PLXNA4: variants seen among roughly 807,000 people sequenced by gnomAD.
PLXNA4 encodes the protein plexin-A4.
PLXNA4 carries 44 observed loss-of-function variants against 191.8 expected under a neutral mutation model. The ratio of observed to expected loss-of-function variants is 0.23; its 90% confidence interval spans 0.18 to 0.29. PLXNA4 has a LOEUF of 0.29. Among genes scored for constraint, PLXNA4 ranks in the 10% least tolerant of loss-of-function variants. The probability of loss-of-function intolerance (pLI) is 1.00; values close to 1 mark genes in which losing one functional copy is unlikely to be tolerated. For synonymous variants in PLXNA4, 1,082 were observed against 1,009.5 expected (o/e 1.07, Z -1.36); for missense variants, 1,800 against 2,488.8 (o/e 0.72, Z 5.89).
At chr7:132,591,537 T>C (rs1399244841) in intron 2 of PLXNA4, among the ~76,000 whole-genome samples, 2 of 152,218 alleles carry the variant, frequency 1.3e-5, no homozygotes. Flanking sequence ...GCATATAATA[T>C]ACATAATGCA....
chr7:132,385,049 A>G, intron 3 of PLXNA4: 2 of 1,471,238 alleles, frequency 1.4e-6, no homozygotes, highest in Non-Finnish European at 1.8e-6. Context: ...TTTTTTCCCT[A>G]AGGACTTGGG....
chr7:132,220,794 G>A (rs1798117679), intron 9 of PLXNA4, among the ~76,000 whole-genome samples: 1 of 149,000 alleles, frequency 6.7e-6, no homozygotes, highest in South Asian at 2.2e-4. Context: ...GACACATGGT[G>A]GGCTCTTATT....
At chr7:132,613,080 C>T (rs1803084618) in intron 2 of PLXNA4, among the ~76,000 whole-genome samples, 1 of 152,188 alleles carries the variant, frequency 6.6e-6, no homozygotes, top group African/African-American at 2.4e-5. Flanking sequence ...AAAGAGTAAA[C>T]TCGGAAGACA....
chr7:132,541,767 G>T (rs1800098068), intron 1 of PLXNA4, among the ~76,000 whole-genome samples: 1 of 152,238 alleles, frequency 6.6e-6, no homozygotes, highest in Non-Finnish European at 1.5e-5. Context: ...GAGCTGCTAA[G>T]GCAGGCAGAG....
chr7:132,261,056 T>A (rs965728756), intron 4 of PLXNA4, among the ~76,000 whole-genome samples: 59 of 152,206 alleles, frequency 3.9e-4, no homozygotes, highest in African/African-American at 1.4e-3. Context: ...TCAAAAATAG[T>A]AAGTTAGAAA....
chr7:132,303,292 C>G (rs1466390002), intron 3 of PLXNA4, among the ~76,000 whole-genome samples: 1 of 147,310 alleles, frequency 6.8e-6, no homozygotes, highest in African/African-American at 2.5e-5. Flanking sequence ...AGAAATTGGC[C>G]GGGTGCTGTT....
intron 3 of PLXNA4, among the ~76,000 whole-genome samples, chr7:132,432,707 TTTGGA>T (rs1482494009): frequency 3.9e-5 from 6 of 152,202 alleles, no homozygotes; most frequent in African/African-American, 1.4e-4. Context: ...GCAGTTTGCA[TTTGGA>T]TAGTGCGTTC....
chr7:132,516,890 G>T (rs1798962659), intron 1 of PLXNA4, among the ~76,000 whole-genome samples: 1 of 152,204 alleles, frequency 6.6e-6, no homozygotes, highest in Non-Finnish European at 1.5e-5. Context: ...GGAGGCAGAG[G>T]TTGCAGCGGT....
intron 1 of PLXNA4, among the ~76,000 whole-genome samples, chr7:132,510,259 T>A (rs553663088): frequency 6.6e-6 from 1 of 152,148 alleles, no homozygotes; most frequent in African/African-American, 2.4e-5. Context: ...CAATGGAAAA[T>A]TCCCCAGCAG....
chr7:132,435,402 G>A (rs900903658), intron 3 of PLXNA4, among the ~76,000 whole-genome samples: 14 of 151,924 alleles, frequency 9.2e-5, no homozygotes, highest in African/African-American at 1.7e-4. Flanking sequence ...TGTTCTAATC[G>A]GCCCCGTGGA....
chr7:132,164,445 T>C (rs896167), intron 23 of PLXNA4, among the ~76,000 whole-genome samples, 157 bp from the exon 24 acceptor site: 1 of 151,950 alleles, frequency 6.6e-6, no homozygotes, highest in African/African-American at 2.4e-5. Context: ...CTTCTCTCCA[T>C]CTCCTCATCC....
At chr7:132,337,391 G>A (rs1802860764) in intron 3 of PLXNA4, among the ~76,000 whole-genome samples, 1 of 152,244 alleles carries the variant, frequency 6.6e-6, no homozygotes, top group African/African-American at 2.4e-5. Flanking sequence ...TCAGATGCAT[G>A]CACAGAAATA....
intron 3 of PLXNA4, among the ~76,000 whole-genome samples, chr7:132,473,415 C>G (rs1466739192): frequency 1.3e-5 from 2 of 152,116 alleles, no homozygotes; most frequent in African/African-American, 2.4e-5. Context: ...GGCGGCAGGT[C>G]CTTTGCTGGG....
intron 12 of PLXNA4, among the ~76,000 whole-genome samples, chr7:132,198,946 A>C (rs1427589955): frequency 6.6e-6 from 1 of 152,182 alleles, no homozygotes; most frequent in Non-Finnish European, 1.5e-5. Flanking sequence ...ATTGGGATTC[A>C]TGCCTTCTAG....
intron 1 of PLXNA4, among the ~76,000 whole-genome samples, chr7:132,566,339 G>C (rs926734674): frequency 2.6e-5 from 4 of 152,062 alleles, no homozygotes; most frequent in Non-Finnish European, 5.9e-5. Flanking sequence ...ACCTATGTGA[G>C]ATGAATGCCA....
At chr7:132,317,432 GTTGGATTGTA>G (rs1801989269) in intron 3 of PLXNA4, among the ~76,000 whole-genome samples, 1 of 151,964 alleles carries the variant, frequency 6.6e-6, no homozygotes, top group South Asian at 2.1e-4. Context: ...ATTGGGTTGT[GTTGGATTGTA>G]TTGAATTGGA....
intron 3 of PLXNA4, among the ~76,000 whole-genome samples, chr7:132,347,602 G>A (rs1225071681): frequency 1.3e-5 from 2 of 152,182 alleles, no homozygotes; most frequent in Non-Finnish European, 2.9e-5. Context: ...TGGCAGCTGG[G>A]TCACAAAAGG....
intron 1 of PLXNA4, among the ~76,000 whole-genome samples, chr7:132,537,317 C>A (rs1366345381): frequency 6.6e-6 from 1 of 152,212 alleles, no homozygotes; most frequent in Non-Finnish European, 1.5e-5. Flanking sequence ...AAAATGAGCT[C>A]TTGGCTGTGT....
chr7:132,493,757 GGATGGA>G (rs1279279588), intron 2 of PLXNA4, among the ~76,000 whole-genome samples: 3 of 144,134 alleles, frequency 2.1e-5, no homozygotes, highest in Non-Finnish European at 3.0e-5. Context: ...GTGGATGGAT[GGATGGA>G]TGGATGGATG....
Sources: allele counts gnomAD v4.1 joint callset (sites outside exome capture counted in the v4.1 genomes callset), GRCh38; gene constraint gnomAD v4.1.1; transcripts MANE v1.5; gene names NCBI Gene and HGNC (gene_info 2026-07-23, HGNC 2026-07-21).